Variants in BBS9 observed in about 807,000 individuals in gnomAD.
BBS9 encodes protein PTHB1.
Under a neutral mutation model 117.7 loss-of-function variants are expected in BBS9, and 89 were observed. The observed-to-expected ratio is 0.76, with a 90% CI of 0.64 to 0.90. The LOEUF is 0.90. Ranked by LOEUF, BBS9 falls within the 40% of genes least tolerant of loss-of-function variation. The probability of loss-of-function intolerance (pLI) is 0.00; values close to 1 mark genes in which losing one functional copy is unlikely to be tolerated. For synonymous variants in BBS9, 379 were observed against 370.9 expected (o/e 1.02, Z -0.25); for missense variants, 982 against 1,042.2 (o/e 0.94, Z 0.80).
intron 19 of BBS9, among the ~76,000 whole-genome samples, chr7:33,491,834 G>T (rs1843947311): frequency 6.6e-6 from 1 of 152,142 alleles, no homozygotes; most frequent in African/African-American, 2.4e-5. Context: ...AACTAGAGAT[G>T]AAGAGGCCAA....
intron 19 of BBS9, among the ~76,000 whole-genome samples, chr7:33,479,334 C>CATATGGTATTTAGACTAA (rs578084361): frequency 6.2e-4 from 94 of 152,220 alleles, no homozygotes; most frequent in African/African-American, 2.2e-3. Context: ...TAAATAAGAA[C>CATATGGTATTTAGACTAA]ATATGGTATT....
intron 6 of BBS9, among the ~76,000 whole-genome samples, chr7:33,261,966 A>G (rs1385708902): frequency 2.0e-5 from 3 of 152,200 alleles, no homozygotes; most frequent in Admixed American, 2.0e-4. Context: ...AAGAAAAAAG[A>G]TCCAAATATT....
chr7:33,159,394 T>C (rs1365738295), intron 4 of BBS9, among the ~76,000 whole-genome samples: 1 of 152,138 alleles, frequency 6.6e-6, no homozygotes, highest in African/African-American at 2.4e-5. Flanking sequence ...TATGCTGGAA[T>C]GTCCTGTTTA....
In BBS9 at chr7:33,302,893, G is replaced by A. The variant is rs182956596; in HGVS notation, c.1016+28937G>A. ...GTAGTATGGACATTTTAACAATATTGATTCTTCCAATCCATGAACATGGAA... is the reference window on the plus strand; with the variant it reads ...GTAGTATGGACATTTTAACAATATTAATTCTTCCAATCCATGAACATGGAA... On this transcript the variant is annotated intron_variant, in intron 9 of 22. Coordinates refer to ENST00000242067, the MANE Select transcript of BBS9 (RefSeq NM_198428.3). 3.3e-5 allele frequency among the ~76,000 whole-genome samples: 5 copies of A among 152,136 alleles called. No homozygotes were observed. In the East Asian group the frequency reaches 9.6e-4, roughly 29 times the overall value.
chr7:33,169,725 G>A, intron 4 of BBS9, among the ~76,000 whole-genome samples: 2 of 151,952 alleles, frequency 1.3e-5, no homozygotes, highest in Non-Finnish European at 2.9e-5. Context: ...TTTGTCAGAT[G>A]AGTAGGTTGC....
At chr7:33,496,437 G>A (rs572402019) in intron 19 of BBS9, among the ~76,000 whole-genome samples, 20 of 152,102 alleles carry the variant, frequency 1.3e-4, no homozygotes, top group Non-Finnish European at 2.1e-4. Flanking sequence ...CCTGGAAGGC[G>A]GGGGTTGCAG....
intron 20 of BBS9, among the ~76,000 whole-genome samples, chr7:33,511,760 T>G (rs1847005596): frequency 2.0e-5 from 3 of 152,194 alleles, no homozygotes; most frequent in Admixed American, 1.3e-4. Context: ...ATGGTTCATG[T>G]GAGAAAACAG....
intron 5 of BBS9, among the ~76,000 whole-genome samples, chr7:33,197,122 T>A (rs1785075004): frequency 6.6e-6 from 1 of 152,130 alleles, no homozygotes; most frequent in Admixed American, 6.6e-5. Context: ...AAAAAATAAT[T>A]TCTTTCATGG....
At chr7:33,628,356 CA>C (rs1292627152) in intron 21 of BBS9, among the ~76,000 whole-genome samples, 2 of 152,128 alleles carry the variant, frequency 1.3e-5, no homozygotes, top group Non-Finnish European at 2.9e-5. Context: ...ACATCATAAC[CA>C]GGTGGGGTTT....
At chr7:33,291,565 A>G (rs909398515) in intron 9 of BBS9, among the ~76,000 whole-genome samples, 2 of 152,208 alleles carry the variant, frequency 1.3e-5, no homozygotes, top group African/African-American at 4.8e-5. Flanking sequence ...GTAGAAGTAT[A>G]TGTTACTTTA....
intron 9 of BBS9, among the ~76,000 whole-genome samples, chr7:33,316,332 A>G (rs1810505777): frequency 6.6e-6 from 1 of 152,192 alleles, no homozygotes; most frequent in South Asian, 2.1e-4. Context: ...GTTCCATTCA[A>G]TGAATATACC....
intron 21 of BBS9, among the ~76,000 whole-genome samples, chr7:33,554,974 G>A (rs932867901): frequency 6.6e-6 from 1 of 152,180 alleles, no homozygotes; most frequent in Non-Finnish European, 1.5e-5. Context: ...AAGGTCAGCA[G>A]ATGGAGCAAG....
chr7:33,300,224 C>T (rs1056862361), intron 9 of BBS9, among the ~76,000 whole-genome samples: 1 of 152,074 alleles, frequency 6.6e-6, no homozygotes, highest in African/African-American at 2.4e-5. Flanking sequence ...AATACTCTGA[C>T]CCCACCTTCC....
chr7:33,189,581 G>T (rs7797847), intron 5 of BBS9, among the ~76,000 whole-genome samples: 1,807 of 146,744 alleles, frequency 0.012, 47 homozygotes, highest in African/African-American at 0.043. Flanking sequence ...TTTCTTCAAT[G>T]TTTTTTTAAT....
chr7:33,465,297 A>G (rs902077541), intron 19 of BBS9, among the ~76,000 whole-genome samples: 1 of 149,452 alleles, frequency 6.7e-6, no homozygotes, highest in Non-Finnish European at 1.5e-5. Context: ...TAATGCTTTC[A>G]TGAGGCATAT....
At chr7:33,413,561 T>C (rs1342781885) in intron 19 of BBS9, among the ~76,000 whole-genome samples, 4 of 152,110 alleles carry the variant, frequency 2.6e-5, no homozygotes, top group Admixed American at 1.3e-4. Flanking sequence ...TTTCAGAGCA[T>C]CTTATGGGGT....
chr7:33,141,335 C>G (rs73309405), intron 1 of BBS9, among the ~76,000 whole-genome samples: 15,107 of 152,012 alleles, frequency 0.099, 836 homozygotes, highest in African/African-American at 0.13. Flanking sequence ...GGCAGGAGAT[C>G]GCCTGAACTT....
At chr7:33,165,484 G>A (rs7781504) in intron 4 of BBS9, among the ~76,000 whole-genome samples, 12,895 of 151,356 alleles carry the variant, frequency 0.085, 591 homozygotes, top group South Asian at 0.13. Context: ...CGTAGATTTG[G>A]TCTTTTCACA....
At chr7:33,541,732 A>T (rs1852338206) in intron 21 of BBS9, among the ~76,000 whole-genome samples, 1 of 152,222 alleles carries the variant, frequency 6.6e-6, no homozygotes, top group Admixed American at 6.5e-5. Context: ...CATTCGTATA[A>T]AATGTCCAGA....
Sources: gnomAD v4.1 joint callset for allele counts (sites outside exome capture counted in the v4.1 genomes callset) on GRCh38, gnomAD v4.1.1 for gene constraint, MANE v1.5 for transcripts, NCBI Gene and HGNC (gene_info 2026-07-23, HGNC 2026-07-21) for gene names.